ABCC9: variants seen among roughly 807,000 people sequenced by gnomAD.
The protein encoded by ABCC9 is ATP-binding cassette sub-family C member 9.
A neutral mutation model predicts 188.3 loss-of-function variants in ABCC9; 95 were observed. The observed-to-expected ratio is 0.50, with a 90% CI of 0.43 to 0.60. ABCC9 has a LOEUF of 0.60. ABCC9 is among the 20% of genes least tolerant of loss of function. The pLI is 0.00. For synonymous variants in ABCC9, 659 were observed against 652.7 expected (o/e 1.01, Z -0.15); for missense variants, 1,102 against 1,876.3 (o/e 0.59, Z 7.62).
intron 16 of ABCC9, among the ~76,000 whole-genome samples, chr12:21,882,549 T>C (rs1320526841): frequency 6.6e-6 from 1 of 152,198 alleles, no homozygotes; most frequent in Admixed American, 6.5e-5. Flanking sequence ...TCACATTCTC[T>C]GGTTATTGAA....
chr12:21,863,149 A>G, intron 19 of ABCC9, 95 bp from the exon 20 acceptor site: 1 of 817,730 alleles, frequency 1.2e-6, no homozygotes, highest in Non-Finnish European at 2.0e-6. Flanking sequence ...TAAAATTAGT[A>G]AACTATCTCA....
At position 21,895,256 on chromosome 12, in the gene ABCC9, G is replaced by T. The variant is rs777415580; in HGVS notation, c.1659+19C>A. ...CACTGACTTGGTTTCATTTCTAAAAGAGAGAAAAAGTGTCTTACAGCAAGA... is the reference window on the plus strand; with the variant it reads ...CACTGACTTGGTTTCATTTCTAAAATAGAGAAAAAGTGTCTTACAGCAAGA... On this transcript the variant is annotated intron_variant, in intron 13 of 39. Coordinates refer to ENST00000261200, the MANE Select transcript of ABCC9 (RefSeq NM_020297.4). 45 of 1,606,928 alleles carry T rather than the reference G, an allele frequency of 2.8e-5. 1 individual carries two copies. The highest frequency in any genetic ancestry group is 5.0e-5 in the Admixed American group (3 of 59,916).
intron 5 of ABCC9, among the ~76,000 whole-genome samples, chr12:21,922,725 A>T (rs868827030): frequency 2.0e-4 from 29 of 148,150 alleles, no homozygotes; most frequent in Non-Finnish European, 3.4e-4. Flanking sequence ...AATCCCCATA[A>T]TGGTCCTACC....
At chr12:21,897,967 G>A (rs986323515) in intron 12 of ABCC9, among the ~76,000 whole-genome samples, 4 of 152,128 alleles carry the variant, frequency 2.6e-5, no homozygotes, top group Non-Finnish European at 4.4e-5. Context: ...GGTTACCTAA[G>A]TTCTTTATAT....
At position 21,910,199 on chromosome 12, in the gene ABCC9, C is replaced by A. The variant is rs777576366; in HGVS notation, c.1278G>T (p.Trp426Cys). 6.2e-7 allele frequency: 1 copy of A among 1,611,692 alleles called. No individual in the cohort carries two copies. The highest frequency in any genetic ancestry group is 8.5e-7 in the Non-Finnish European group (1 of 1,178,412). ...ATAGATTGGGACACAGGAACAAAAA[C>A]CACATGAGTTGATTAGTTTCAATGG... ...LVAIETNQLM[W>C]FLFLCPNLWA... The change falls in exon 10 of 40, where the codon TGG becomes TGT. Residue 426 changes from tryptophan (W) to cysteine (C), a missense_variant. Around this residue, in one of 12 missense-constraint regions of ABCC9, gnomAD observed 305 missense variants for 573.0 expected, o/e 0.53. Transcript: ENST00000261200.
chr12:21,871,713 C>CTG (rs1339499486), intron 18 of ABCC9, among the ~76,000 whole-genome samples: 4 of 152,132 alleles, frequency 2.6e-5, no homozygotes, highest in African/African-American at 9.7e-5. Context: ...GGGAGCTGTC[C>CTG]TGTGCACTGT....
intron 12 of ABCC9, among the ~76,000 whole-genome samples, chr12:21,898,616 A>G (rs1947552271): frequency 6.6e-6 from 1 of 152,230 alleles, no homozygotes; most frequent in Non-Finnish European, 1.5e-5. Flanking sequence ...TTCAAGAGGA[A>G]ACAATATATA....
chr12:21,891,814 G>T (rs553661119), intron 14 of ABCC9, among the ~76,000 whole-genome samples: 1 of 152,172 alleles, frequency 6.6e-6, no homozygotes, highest in Admixed American at 6.5e-5. Flanking sequence ...CAAAGTCTCC[G>T]ATTATAAACA....
At chr12:21,929,093 C>A (rs901664869) in intron 4 of ABCC9, among the ~76,000 whole-genome samples, 2 of 152,026 alleles carry the variant, frequency 1.3e-5, no homozygotes, top group Admixed American at 6.6e-5. Context: ...TAATACACTG[C>A]TTTTAGAATT....
Position 21,906,251 on chromosome 12 carries a change from A to G in ABCC9, c.1493T>C (p.Ile498Thr). 6.2e-7 allele frequency: 1 copy of G among 1,612,586 alleles called. No homozygotes were observed. Among genetic ancestry groups the G allele is most frequent in the East Asian group, 2.2e-5 (1 of 44,816 alleles). Reference sequence around the variant, plus strand: ...TTTTAGAAGTTTGATGCCTTTCAATATTTCATTTGTTTTCTTGAGTCTCTC... The same window carrying G: ...TTTTAGAAGTTTGATGCCTTTCAATGTTTCATTTGTTTTCTTGAGTCTCTC... ...STERLKKTNE[I>T]LKGIKLLKLY... The change falls in exon 12 of 40, where the codon ATA becomes ACA. Residue 498 changes from isoleucine (I) to threonine (T), a missense_variant. Ile to Thr is a moderately conservative substitution (Grantham distance 89, BLOSUM62 -1). Coordinates refer to ENST00000261200, the MANE Select transcript of ABCC9 (RefSeq NM_020297.4).
chr12:21,894,239 C>A, intron 13 of ABCC9, 65 bp from the exon 14 acceptor site: 1 of 1,565,044 alleles, frequency 6.4e-7, no homozygotes, highest in Non-Finnish European at 8.8e-7. Context: ...TACATTCAGT[C>A]CTAGAAACCT....
At chr12:21,842,598 C>G in intron 28 of ABCC9, 127 bp from the exon 29 acceptor site, 3 of 909,408 alleles carry the variant, frequency 3.3e-6, no homozygotes, top group Non-Finnish European at 3.6e-6. Context: ...TAAGCATGTT[C>G]ATCCTAAGCA....
intron 24 of ABCC9, among the ~76,000 whole-genome samples, chr12:21,849,392 G>C (rs887368260): frequency 5.3e-5 from 8 of 152,012 alleles, no homozygotes; most frequent in African/African-American, 1.7e-4. Context: ...TTTTTACAGA[G>C]AGTTTGACCC....
intron 16 of ABCC9, 26 bp downstream of exon 16, chr12:21,882,740 G>T (rs970746537): frequency 2.3e-5 from 36 of 1,549,114 alleles, no homozygotes; most frequent in Non-Finnish European, 3.1e-5. Context: ...TTCTATTCAT[G>T]TAAGAATCCA....
At chr12:21,905,636 C>G (rs1300892949) in intron 12 of ABCC9, among the ~76,000 whole-genome samples, 4 of 152,014 alleles carry the variant, frequency 2.6e-5, no homozygotes, top group African/African-American at 9.7e-5. Context: ...GCCACAAGTG[C>G]TACCCATGTG....
intron 30 of ABCC9, among the ~76,000 whole-genome samples, chr12:21,833,647 C>T (rs1178202120): frequency 6.6e-6 from 1 of 152,116 alleles, no homozygotes; most frequent in Admixed American, 6.6e-5. Context: ...AAGGAGAAAA[C>T]AGAGGCTGTT....
At chr12:21,804,044 T>C (rs1474461524) in intron 39 of ABCC9, among the ~76,000 whole-genome samples, 1 of 152,168 alleles carries the variant, frequency 6.6e-6, no homozygotes, top group Non-Finnish European at 1.5e-5. Flanking sequence ...ATGGGCCTGT[T>C]ATGAGGAGTT....
At chr12:21,914,450 T>C (rs1948450543) in intron 7 of ABCC9, among the ~76,000 whole-genome samples, 1 of 152,170 alleles carries the variant, frequency 6.6e-6, no homozygotes, top group Non-Finnish European at 1.5e-5. Context: ...GGATGATACA[T>C]GGAAGAGGAA....
chr12:21,833,458 A>G (rs907171699), intron 30 of ABCC9, among the ~76,000 whole-genome samples: 3 of 151,940 alleles, frequency 2.0e-5, no homozygotes, highest in African/African-American at 7.3e-5. Flanking sequence ...CCTAATGTAA[A>G]ATTAAGGATA....
Sources: gnomAD v4.1 joint callset for allele counts (sites outside exome capture counted in the v4.1 genomes callset) on GRCh38, gnomAD v4.1.1 for gene constraint, gnomAD v4.1.1 regional missense constraint, MANE v1.5 for transcripts, NCBI Gene and HGNC (gene_info 2026-07-23, HGNC 2026-07-21) for gene names.